SIK3: variants seen among roughly 807,000 people sequenced by gnomAD.
SIK3 encodes the protein SIK family kinase 3.
Under a neutral mutation model 144.2 loss-of-function variants are expected in SIK3, and 28 were observed. The observed-to-expected ratio is 0.19, with a 90% CI of 0.14 to 0.27. The LOEUF is 0.27. Among genes scored for constraint, SIK3 ranks in the 10% least tolerant of loss-of-function variants. SIK3 has a pLI of 1.00. For missense variants in SIK3, 1,319 were observed against 1,776.0 expected (o/e 0.74, Z 4.62); for synonymous variants, 686 against 676.3 (o/e 1.01, Z -0.22).
At chr11:117,013,915 G>GGGGGT (rs1206309055) in intron 1 of SIK3, among the ~76,000 whole-genome samples, 3 of 23,616 alleles carry the variant, frequency 1.3e-4, no homozygotes, top group Admixed American at 6.0e-4. Context: ...GGGGGGGGAG[G>GGGGGT]GTGTGTGTGT....
At chr11:117,030,800 T>C (rs776089361) in intron 1 of SIK3, among the ~76,000 whole-genome samples, 24 of 152,150 alleles carry the variant, frequency 1.6e-4, no homozygotes, top group Non-Finnish European at 2.6e-4. Context: ...CCTCGCAAAG[T>C]ACTAGGATTA....
rs368351741 is a variant in SIK3 at position 116,949,625 on chromosome 11, C to T, written c.454+4419G>A. On this transcript the variant is annotated intron_variant, in intron 3 of 24. Coordinates refer to ENST00000445177, the MANE Select transcript of SIK3 (RefSeq NM_001366686.3). ...AATAGCTAGAATTACAGGTGTGCACCCAGCCAGTGATTTATTTTCATTCTA... is the reference window on the plus strand; with the variant it reads ...AATAGCTAGAATTACAGGTGTGCACTCAGCCAGTGATTTATTTTCATTCTA... Among the ~76,000 whole-genome samples, 32 of 152,192 alleles carry T rather than the reference C, an allele frequency of 2.1e-4. No individual in the cohort carries two copies. In the East Asian group the frequency reaches 4.2e-3, roughly 20 times the overall value.
intron 1 of SIK3, among the ~76,000 whole-genome samples, chr11:116,967,769 G>A (rs1036233250): frequency 6.6e-6 from 1 of 152,144 alleles, no homozygotes; most frequent in Non-Finnish European, 1.5e-5. Context: ...TTTCTTGTCT[G>A]GATGTTTATG....
intron 4 of SIK3, among the ~76,000 whole-genome samples, chr11:116,921,751 G>A (rs1946992133): frequency 6.6e-6 from 1 of 152,148 alleles, no homozygotes; most frequent in Admixed American, 6.5e-5. Context: ...TTCTACAGAA[G>A]ACAGGTTTGC....
intron 1 of SIK3, among the ~76,000 whole-genome samples, chr11:117,020,153 A>G (rs1951705147): frequency 6.6e-6 from 1 of 150,644 alleles, no homozygotes; most frequent in Admixed American, 6.7e-5. Context: ...TAAGTGTAAC[A>G]GCCAACTCAG....
intron 1 of SIK3, among the ~76,000 whole-genome samples, chr11:116,959,784 C>T (rs999416695): frequency 6.6e-6 from 1 of 152,210 alleles, no homozygotes; most frequent in East Asian, 1.9e-4. Flanking sequence ...GCATTTCTGA[C>T]TTACCATATT....
chr11:116,997,266 C>T (rs903336483), intron 1 of SIK3, among the ~76,000 whole-genome samples: 1 of 152,208 alleles, frequency 6.6e-6, no homozygotes, highest in African/African-American at 2.4e-5. Context: ...AAAACACTAG[C>T]TATATACTCA....
chr11:116,859,363 C>T lies in SIK3; in HGVS notation c.2667G>A (p.Gln889=), dbSNP rs1311534328. Residue 889 remains glutamine (Q), a synonymous_variant, in exon 20 of 25, where the codon CAG becomes CAA. Transcript: ENST00000445177. ...GGTTGGTACGGTGCTGCATCTGCAT[C>T]TGACCAGCACTGGGGCTGATGGAGA... The part of the protein sequence containing the change: ...RGISISPSAG[Q]MQMQHRTNLM... The T allele has an allele frequency of 6.2e-7, 1 of 1,614,218 alleles. No individual in the cohort carries two copies. Among genetic ancestry groups the T allele is most frequent in the African/African-American group, 1.3e-5 (1 of 75,066 alleles).
At chr11:117,035,132 T>C (rs764595258) in intron 1 of SIK3, among the ~76,000 whole-genome samples, 7 of 152,186 alleles carry the variant, frequency 4.6e-5, no homozygotes, top group Non-Finnish European at 1.0e-4. Flanking sequence ...TTTCAAACAA[T>C]AGGCTATATA....
intron 1 of SIK3, among the ~76,000 whole-genome samples, chr11:117,042,765 G>A (rs975907553): frequency 2.0e-5 from 3 of 152,202 alleles, no homozygotes; most frequent in Non-Finnish European, 2.9e-5. Flanking sequence ...CTAAGAATGT[G>A]GAGTGCAACA....
intron 3 of SIK3, among the ~76,000 whole-genome samples, chr11:116,946,188 A>G (rs2135319632): frequency 6.6e-6 from 1 of 152,314 alleles, no homozygotes; most frequent in East Asian, 1.9e-4. Flanking sequence ...CTCAACCTGT[A>G]ATCAAGTCTC....
chr11:116,924,138 C>CA (rs796368879), intron 4 of SIK3, among the ~76,000 whole-genome samples: 27 of 151,672 alleles, frequency 1.8e-4, no homozygotes, highest in African/African-American at 6.0e-4. Flanking sequence ...GCTAAAAATA[C>CA]AAAAAATTAG....
chr11:116,941,331 G>C (rs1257245775), intron 3 of SIK3, among the ~76,000 whole-genome samples: 1 of 151,448 alleles, frequency 6.6e-6, no homozygotes, highest in Non-Finnish European at 1.5e-5. Context: ...AATAATCAAA[G>C]GAGTAAATAA....
At chr11:117,000,531 A>G (rs898195501) in intron 1 of SIK3, among the ~76,000 whole-genome samples, 2 of 152,230 alleles carry the variant, frequency 1.3e-5, no homozygotes, top group Non-Finnish European at 2.9e-5. Flanking sequence ...ATGCTGTCAG[A>G]TTACTAAAAC....
At chr11:116,967,073 G>A (rs915191993) in intron 1 of SIK3, among the ~76,000 whole-genome samples, 13 of 151,736 alleles carry the variant, frequency 8.6e-5, no homozygotes, top group Non-Finnish European at 1.5e-4. Flanking sequence ...ACAGAAAGAC[G>A]GGAAATAACT....
At chr11:117,071,978 A>C (rs183344060) in intron 1 of SIK3, among the ~76,000 whole-genome samples, 1 of 152,176 alleles carries the variant, frequency 6.6e-6, no homozygotes, top group African/African-American at 2.4e-5. Flanking sequence ...ATAATGAGGC[A>C]GTGAGGAAAC....
chr11:116,860,796 G>A (rs1396194149), intron 19 of SIK3, among the ~76,000 whole-genome samples: 2 of 152,180 alleles, frequency 1.3e-5, no homozygotes, highest in Non-Finnish European at 2.9e-5. Context: ...GGTGGGAGGC[G>A]ACTGGATCAC....
chr11:116,953,103 A>AACAC (rs140535467), intron 3 of SIK3, among the ~76,000 whole-genome samples: 5 of 151,366 alleles, frequency 3.3e-5, no homozygotes, highest in African/African-American at 9.7e-5. Context: ...TAAAAACACA[A>AACAC]ACACACACAC....
intron 1 of SIK3, among the ~76,000 whole-genome samples, chr11:116,958,616 C>T (rs1949232500): frequency 6.7e-6 from 1 of 150,164 alleles, no homozygotes; most frequent in South Asian, 2.1e-4. Flanking sequence ...ATGACCTTCA[C>T]CTACAGGAGA....
Sources: allele counts gnomAD v4.1 joint callset (sites outside exome capture counted in the v4.1 genomes callset), GRCh38; gene constraint gnomAD v4.1.1; transcripts MANE v1.5; gene names NCBI Gene and HGNC (gene_info 2026-07-23, HGNC 2026-07-21).